Variants in PGCKA1 observed in about 807,000 individuals in gnomAD.
PGCKA1 encodes PDCD10 and GCKIII kinases-associated protein 1.
At chr4:37,462,259 T>C in the PGCKA1 span, among the ~76,000 whole-genome samples, 3 of 152,304 alleles carry the variant, frequency 2.0e-5, no homozygotes, top group East Asian at 5.8e-4. Flanking sequence ...CTGTGATATC[T>C]ATGTAGGTAG....
At chr4:37,478,440 G>C in the PGCKA1 span, among the ~76,000 whole-genome samples, 96,831 of 151,914 alleles carry the variant, frequency 0.64, 32,057 homozygotes, top group Non-Finnish European at 0.73. Flanking sequence ...CCTATTCTTT[G>C]TTAGAAAAAA....
chr4:37,580,304 C>G, the PGCKA1 span, among the ~76,000 whole-genome samples: 1 of 65,730 alleles, frequency 1.5e-5, no homozygotes, highest in African/African-American at 9.7e-5. Flanking sequence ...TCGGTGAGGT[C>G]ATTTTTTTTT....
the PGCKA1 span, among the ~76,000 whole-genome samples, chr4:37,536,395 G>T: frequency 2.0e-5 from 3 of 152,072 alleles, no homozygotes; most frequent in Non-Finnish European, 2.9e-5. Flanking sequence ...TTATCTGACA[G>T]TTTCTGTAGG....
chr4:37,591,131 A>G, the PGCKA1 span: 4 of 709,268 alleles, frequency 5.6e-6, no homozygotes, highest in South Asian at 3.7e-5. Context: ...TACATCCAGC[A>G]TCTGTTCTGA....
the PGCKA1 span, among the ~76,000 whole-genome samples, chr4:37,538,240 T>G: frequency 6.6e-6 from 1 of 152,240 alleles, no homozygotes; most frequent in African/African-American, 2.4e-5. Flanking sequence ...CCGCAGTGAC[T>G]TGGCCCTGGG....
the PGCKA1 span, among the ~76,000 whole-genome samples, chr4:37,558,945 A>G: frequency 8.3e-6 from 1 of 120,616 alleles, no homozygotes; most frequent in African/African-American, 3.3e-5. Context: ...TCAGGAAACA[A>G]CAGGTGCTGG....
the PGCKA1 span, among the ~76,000 whole-genome samples, chr4:37,453,592 C>G: frequency 1.4e-4 from 21 of 152,192 alleles, no homozygotes; most frequent in East Asian, 4.1e-3. Context: ...TTGTGTATCC[C>G]CGTACTCCAG....
the PGCKA1 span, chr4:37,588,227 A>ATT: frequency 6.6e-6 from 1 of 152,346 alleles, no homozygotes; most frequent in African/African-American, 2.4e-5. Context: ...TTTGAGCTGC[A>ATT]AAAGAACAGG....
At chr4:37,546,774 G>A in the PGCKA1 span, among the ~76,000 whole-genome samples, 1 of 152,246 alleles carries the variant, frequency 6.6e-6, no homozygotes, top group South Asian at 2.1e-4. Context: ...GGGGACTCCA[G>A]CCAGCCTGAG....
At chr4:37,552,120 C>G in the PGCKA1 span, among the ~76,000 whole-genome samples, 1 of 152,220 alleles carries the variant, frequency 6.6e-6, no homozygotes, top group Non-Finnish European at 1.5e-5. Context: ...CTGGGCCTGC[C>G]TGGCCTAAAC....
the PGCKA1 span, among the ~76,000 whole-genome samples, chr4:37,569,909 C>G: frequency 6.6e-6 from 1 of 151,994 alleles, no homozygotes; most frequent in East Asian, 1.9e-4. Flanking sequence ...TCTATCCCAG[C>G]ACACTGGCTA....
chr4:37,525,050 C>T, the PGCKA1 span, among the ~76,000 whole-genome samples: 1 of 152,138 alleles, frequency 6.6e-6, no homozygotes, highest in African/African-American at 2.4e-5. Flanking sequence ...GAAACTAAAA[C>T]TGAAAATTAG....
chr4:37,550,886 C>T, the PGCKA1 span, among the ~76,000 whole-genome samples: 4 of 152,110 alleles, frequency 2.6e-5, no homozygotes, highest in African/African-American at 7.2e-5. Context: ...AAAAGAACCA[C>T]CCTGACAATT....
the PGCKA1 span, among the ~76,000 whole-genome samples, chr4:37,481,657 G>C: frequency 2.0e-5 from 3 of 151,984 alleles, no homozygotes; most frequent in Non-Finnish European, 4.4e-5. Context: ...AAGACATCAG[G>C]TTGGTTTAAG....
the PGCKA1 span, among the ~76,000 whole-genome samples, chr4:37,512,335 T>TAGCA: frequency 6.6e-6 from 1 of 152,162 alleles, no homozygotes; most frequent in Non-Finnish European, 1.5e-5. Flanking sequence ...ACAGTTTGAT[T>TAGCA]AGCACATAAG....
chr4:37,459,803 T>C, the PGCKA1 span, among the ~76,000 whole-genome samples: 3 of 149,302 alleles, frequency 2.0e-5, no homozygotes, highest in Non-Finnish European at 4.4e-5. Context: ...TTCTTTCTTT[T>C]TTTTTTTTTT....
chr4:37,525,565 A>G, the PGCKA1 span, among the ~76,000 whole-genome samples: 1 of 152,190 alleles, frequency 6.6e-6, no homozygotes, highest in Admixed American at 6.5e-5. Context: ...TGAAGTCTCA[A>G]GTCTTTATTC....
At chr4:37,543,161 CT>C in the PGCKA1 span, among the ~76,000 whole-genome samples, 1 of 152,028 alleles carries the variant, frequency 6.6e-6, no homozygotes, top group African/African-American at 2.4e-5. Context: ...GTATTTGCCT[CT>C]TTCTCTCTAA....
At chr4:37,505,970 A>C in the PGCKA1 span, among the ~76,000 whole-genome samples, 1 of 152,274 alleles carries the variant, frequency 6.6e-6, no homozygotes, top group Admixed American at 6.5e-5. Context: ...ATTAATCGTT[A>C]TTGGTCTGTT....
Sources: allele counts gnomAD v4.1 joint callset (sites outside exome capture counted in the v4.1 genomes callset), GRCh38; gene constraint gnomAD v4.1.1; transcripts MANE v1.5; gene names NCBI Gene and HGNC (gene_info 2026-07-23, HGNC 2026-07-21).